LMBR1: variants seen among roughly 807,000 people sequenced by gnomAD.
The protein encoded by LMBR1 is limb development membrane protein 1.
A neutral mutation model predicts 73.9 loss-of-function variants in LMBR1; 52 were observed. The observed-to-expected ratio is 0.70, with a 90% CI of 0.56 to 0.89. The LOEUF (loss-of-function observed/expected upper bound fraction) is 0.89, where lower values mean the gene tolerates loss of function less well. LMBR1 is among the 40% of genes least tolerant of loss of function. The pLI is 0.00. For synonymous variants in LMBR1, 215 were observed against 209.4 expected (o/e 1.03, Z -0.23); for missense variants, 539 against 579.8 (o/e 0.93, Z 0.72).
intron 5 of LMBR1, among the ~76,000 whole-genome samples, chr7:156,772,390 A>G (rs1448101726): frequency 6.6e-6 from 1 of 152,228 alleles, no homozygotes; most frequent in Admixed American, 6.5e-5. Context: ...ATATGTGAAA[A>G]TAATAAGAGC....
At chr7:156,716,023 C>T (rs368029791) in intron 15 of LMBR1, among the ~76,000 whole-genome samples, 1 of 152,154 alleles carries the variant, frequency 6.6e-6, no homozygotes, top group African/African-American at 2.4e-5. Context: ...GTGGCACCCA[C>T]TGACATCAAA....
intron 4 of LMBR1, among the ~76,000 whole-genome samples, chr7:156,815,091 G>C (rs1405034798): frequency 1.4e-5 from 2 of 147,534 alleles, no homozygotes; most frequent in African/African-American, 5.0e-5. Flanking sequence ...GGGAAGAAGA[G>C]GTTGTGGTGA....
intron 2 of LMBR1, among the ~76,000 whole-genome samples, chr7:156,835,907 C>T (rs1435365996): frequency 6.6e-6 from 1 of 152,176 alleles, no homozygotes; most frequent in Non-Finnish European, 1.5e-5. Flanking sequence ...TATATACATT[C>T]ATTCTTTCTC....
chr7:156,819,205 T>G (rs1834377592), intron 4 of LMBR1, among the ~76,000 whole-genome samples: 1 of 152,230 alleles, frequency 6.6e-6, no homozygotes, highest in African/African-American at 2.4e-5. Flanking sequence ...AAAAGTAAAG[T>G]AGCATTCCAA....
intron 5 of LMBR1, among the ~76,000 whole-genome samples, chr7:156,792,335 T>C (rs912936835): frequency 1.3e-5 from 2 of 152,168 alleles, no homozygotes; most frequent in African/African-American, 4.8e-5. Context: ...GTTGAAAAAT[T>C]AAGATGTAAA....
At chr7:156,786,175 G>A (rs970999731) in intron 5 of LMBR1, among the ~76,000 whole-genome samples, 2 of 147,830 alleles carry the variant, frequency 1.4e-5, no homozygotes, top group African/African-American at 5.0e-5. Context: ...AGGAAGGAAG[G>A]AGGGAGGAAA....
At position 156,691,471 on chromosome 7, in the gene LMBR1, G is replaced by A. The variant is rs78462162; in HGVS notation, c.1226-3280C>T. Among the ~76,000 whole-genome samples, 1,111 of 152,230 alleles carry A rather than the reference G, an allele frequency of 7.3e-3. 12 individuals carry two copies. The highest frequency in any genetic ancestry group is 1.0e-2 in the Non-Finnish European group (678 of 67,982). Reference sequence around the variant, plus strand: ...ACATACAGAATAAAATCTCATTTAAGAAAGGGCTGGTTTCTCTACCTGCAA... The same window carrying A: ...ACATACAGAATAAAATCTCATTTAAAAAAGGGCTGGTTTCTCTACCTGCAA... On this transcript the variant is annotated intron_variant, in intron 15 of 16. Coordinates refer to ENST00000353442, the MANE Select transcript of LMBR1 (RefSeq NM_022458.4).
intron 4 of LMBR1, among the ~76,000 whole-genome samples, chr7:156,826,125 G>A (rs543213703): frequency 9.2e-5 from 14 of 152,122 alleles, no homozygotes; most frequent in Non-Finnish European, 1.9e-4. Context: ...GATTATAAGC[G>A]CGTGCCACCA....
chr7:156,710,097 G>C (rs900323384), intron 15 of LMBR1, among the ~76,000 whole-genome samples: 3 of 151,730 alleles, frequency 2.0e-5, no homozygotes, highest in Non-Finnish European at 4.4e-5. Context: ...AGTAGAGACG[G>C]GGTTTCACCA....
At chr7:156,713,044 T>C (rs1225437146) in intron 15 of LMBR1, among the ~76,000 whole-genome samples, 2 of 152,088 alleles carry the variant, frequency 1.3e-5, no homozygotes, top group Non-Finnish European at 2.9e-5. Context: ...ATCCAGACAA[T>C]GGAATCTTAT....
intron 10 of LMBR1, among the ~76,000 whole-genome samples, chr7:156,729,556 G>A (rs545822952): frequency 1.2e-4 from 18 of 148,900 alleles, no homozygotes; most frequent in Non-Finnish European, 1.8e-4. Flanking sequence ...TCACTGCAAC[G>A]TCTGCCTGCC....
intron 1 of LMBR1, among the ~76,000 whole-genome samples, chr7:156,886,031 C>T (rs1801832442): frequency 6.9e-6 from 1 of 144,816 alleles, no homozygotes; most frequent in Non-Finnish European, 1.5e-5. Context: ...CAGAGTGAGA[C>T]TCTGCCTCAA....
Position 156,801,676 on chromosome 7 carries a change from C to T in LMBR1, c.320-5184G>A, listed in dbSNP as rs568132961. On this transcript the variant is annotated intron_variant, in intron 4 of 16. Transcript: ENST00000353442. ...CCTACCAAGTAGCTGAGACTATAGG[C>T]ACATGCCACCGTGCCAGGCTGATTT... 1.4e-3 allele frequency among the ~76,000 whole-genome samples: 211 copies of T among 152,240 alleles called. 2 individuals carry two copies. The highest frequency in any genetic ancestry group is 4.2e-3 in the African/African-American group (176 of 41,534).
At chr7:156,892,443 G>GGGAC (rs1171041076) in intron 1 of LMBR1, 1 of 152,140 alleles carries the variant, frequency 6.6e-6, no homozygotes, top group Non-Finnish European at 1.5e-5. Flanking sequence ...CAGGCTCTCC[G>GGGAC]GGACGCCTGC....
At chr7:156,844,523 C>T (rs994378006) in intron 1 of LMBR1, among the ~76,000 whole-genome samples, 4 of 151,534 alleles carry the variant, frequency 2.6e-5, no homozygotes, top group Non-Finnish European at 4.4e-5. Flanking sequence ...GATGCCTATT[C>T]TCCCTTTGTC....
chr7:156,805,840 T>C (rs1276287904), intron 4 of LMBR1, among the ~76,000 whole-genome samples: 1 of 152,128 alleles, frequency 6.6e-6, no homozygotes, highest in East Asian at 1.9e-4. Context: ...TGGGGGTAGT[T>C]AGGTCACAAG....
rs569449097 is a variant in LMBR1 at position 156,834,587 on chromosome 7, A to G, written c.140-795T>C. 9.3e-4 allele frequency: 228 copies of G among 244,446 alleles called. 1 individual carries two copies. The highest frequency in any genetic ancestry group is 1.9e-3 in the Admixed American group (42 of 22,238). 15.1% of individuals were successfully genotyped at this position (244,446 alleles called of 1,614,324 possible). Reference sequence around the variant, plus strand: ...CACTGCTCTCCGGCCTAGGGGACAGAAGGAGATCCTATCTCAAAAAAAAAA... The same window carrying G: ...CACTGCTCTCCGGCCTAGGGGACAGGAGGAGATCCTATCTCAAAAAAAAAA... On this transcript the variant is annotated intron_variant, in intron 2 of 16. Transcript: ENST00000353442.
intron 1 of LMBR1, among the ~76,000 whole-genome samples, chr7:156,880,760 C>A (rs73167943): frequency 0.36 from 54,085 of 151,872 alleles, 9,891 homozygotes; most frequent in East Asian, 0.57. Context: ...TCAAGTGATT[C>A]TCCTGCCTCA....
chr7:156,868,094 G>A (rs554358768), intron 1 of LMBR1, among the ~76,000 whole-genome samples: 17 of 151,784 alleles, frequency 1.1e-4, no homozygotes, highest in Non-Finnish European at 2.1e-4. Context: ...GCAATTCTGT[G>A]CACCTTAAGT....
Sources: allele counts gnomAD v4.1 joint callset (sites outside exome capture counted in the v4.1 genomes callset), GRCh38; gene constraint gnomAD v4.1.1; transcripts MANE v1.5; gene names NCBI Gene and HGNC (gene_info 2026-07-23, HGNC 2026-07-21).